SRGAP2: variants seen among roughly 807,000 people sequenced by gnomAD.
SRGAP2 encodes the protein SLIT-ROBO Rho GTPase activating protein 2, also known as SLIT-ROBO Rho GTPase-activating protein 2.
A neutral mutation model predicts 57.2 loss-of-function variants in SRGAP2; 15 were observed. The observed-to-expected ratio is 0.26, with a 90% CI of 0.18 to 0.40. SRGAP2 has a LOEUF of 0.40. SRGAP2 is among the 10% of genes least tolerant of loss of function. The pLI is 1.00. For synonymous variants in SRGAP2, 249 were observed against 248.0 expected (o/e 1.00, Z -0.04); for missense variants, 520 against 669.6 (o/e 0.78, Z 2.47).
intron 17 of SRGAP2, among the ~76,000 whole-genome samples, chr1:206,443,499 C>T (rs1354636251): frequency 2.0e-5 from 3 of 152,104 alleles, no homozygotes; most frequent in Non-Finnish European, 4.4e-5. Flanking sequence ...CTCAGTCTCC[C>T]GAGTAGCTGG....
At chr1:206,277,030 C>A (rs1207998157) in intron 2 of SRGAP2, among the ~76,000 whole-genome samples, 14 of 151,218 alleles carry the variant, frequency 9.3e-5, no homozygotes, top group Non-Finnish European at 1.6e-4. Context: ...AATGGCGTGA[C>A]CTTGGCTCAC....
chr1:206,390,895 C>G (rs1466162729), intron 5 of SRGAP2, among the ~76,000 whole-genome samples: 1 of 151,916 alleles, frequency 6.6e-6, no homozygotes, highest in Non-Finnish European at 1.5e-5. Context: ...CAAAATGAGA[C>G]ATAATTTAGA....
At chr1:206,309,714 G>A (rs143154677) in intron 3 of SRGAP2, among the ~76,000 whole-genome samples, 238 of 151,914 alleles carry the variant, frequency 1.6e-3, no homozygotes, top group African/African-American at 5.5e-3. Context: ...AGAGCAGTAC[G>A]AGGCCATCAG....
chr1:206,268,080 TA>T (rs1184794228), intron 2 of SRGAP2, among the ~76,000 whole-genome samples: 92 of 143,208 alleles, frequency 6.4e-4, no homozygotes, highest in Non-Finnish European at 1.2e-3. Context: ...TATATATATA[TA>T]TTTTTTTTTT....
chr1:206,230,009 T>C (rs1553306536), intron 2 of SRGAP2, among the ~76,000 whole-genome samples: 1 of 151,748 alleles, frequency 6.6e-6, no homozygotes, highest in African/African-American at 2.4e-5. Flanking sequence ...TTTTAAGTAT[T>C]TGTAATTTCT....
At chr1:206,456,890 C>T (rs1176666863) in intron 21 of SRGAP2, among the ~76,000 whole-genome samples, 1 of 152,226 alleles carries the variant, frequency 6.6e-6, no homozygotes, top group Admixed American at 6.5e-5. Context: ...GCTGTCTCCT[C>T]ACCTGGTCAC....
At chr1:206,460,951 C>T in intron 22 of SRGAP2, 86 bp from the exon 23 acceptor site, 1 of 625,458 alleles carries the variant, frequency 1.6e-6, no homozygotes, top group Non-Finnish European at 2.9e-6. Flanking sequence ...TCATTTTCTT[C>T]ATGCCTTGGC....
chr1:206,448,420 CA>C (rs2103370491), intron 18 of SRGAP2, among the ~76,000 whole-genome samples: 1 of 152,256 alleles, frequency 6.6e-6, no homozygotes, highest in South Asian at 2.1e-4. Flanking sequence ...TGCACAAGAG[CA>C]AAGGCTGGGG....
intron 12 of SRGAP2, among the ~76,000 whole-genome samples, 186 bp downstream of exon 12, chr1:206,419,586 G>T (rs1341355776): frequency 6.6e-6 from 1 of 152,148 alleles, no homozygotes; most frequent in African/African-American, 2.4e-5. Context: ...AGATAGAAAT[G>T]GGGTTTTCTG....
intron 18 of SRGAP2, among the ~76,000 whole-genome samples, chr1:206,448,841 G>A (rs961615059): frequency 1.3e-5 from 2 of 151,894 alleles, no homozygotes; most frequent in South Asian, 4.2e-4. Flanking sequence ...GTGAGAAATT[G>A]TGCCTACATT....
intron 4 of SRGAP2, among the ~76,000 whole-genome samples, chr1:206,369,643 A>G (rs568672596): frequency 6.6e-6 from 1 of 152,292 alleles, no homozygotes; most frequent in East Asian, 1.9e-4. Flanking sequence ...CAACAAGCAC[A>G]TTTTTGACAC....
At chr1:206,429,670 G>T (rs557039417) in intron 13 of SRGAP2, among the ~76,000 whole-genome samples, 1 of 152,254 alleles carries the variant, frequency 6.6e-6, no homozygotes, top group African/African-American at 2.4e-5. Flanking sequence ...GCAAGGCCGT[G>T]TAAGAGAGTA....
intron 15 of SRGAP2, 111 bp downstream of exon 15, chr1:206,437,153 GTCTCT>G (rs535290036): frequency 1.4e-6 from 1 of 736,524 alleles, no homozygotes; most frequent in Non-Finnish European, 2.5e-6. Flanking sequence ...CAACTTCCCT[GTCTCT>G]TCAGGGGGTA....
chr1:206,255,067 G>A (rs1669102027), intron 2 of SRGAP2, among the ~76,000 whole-genome samples: 1 of 150,436 alleles, frequency 6.6e-6, no homozygotes, highest in African/African-American at 2.5e-5. Context: ...GTTCCACCTG[G>A]GCTCAGGTTA....
rs1210460228 is a variant in SRGAP2 at position 206,272,896 on chromosome 1, G to A, written c.68-30385G>A. On this transcript the variant is annotated intron_variant, in intron 2 of 22. Transcript: ENST00000573034. ...TACCCCCAGACCATTGCGTTAAAGC[G>A]TTCAGGATAGTGCTCTGCTGATTTT... is the stretch of plus-strand genomic sequence containing the variant. Among the ~76,000 whole-genome samples the A allele has an allele frequency of 9.2e-3, 1,403 of 152,072 alleles. 14 individuals carry two copies. The highest frequency in any genetic ancestry group is 0.014 in the Non-Finnish European group (965 of 68,014).
In SRGAP2 at chr1:206,203,571, G is replaced by C. The variant is rs573474470; in HGVS notation, c.-622G>C. ...CTGGGGCACCGATCTGCGTAGAAACGGGTGGCGGGGAAGAGAGGGGAGGAG... is the reference window on the plus strand; with the variant it reads ...CTGGGGCACCGATCTGCGTAGAAACCGGTGGCGGGGAAGAGAGGGGAGGAG... On this transcript the variant is annotated 5_prime_UTR_variant, in exon 1 of 23. Transcript: ENST00000573034. The C allele has an allele frequency of 8.7e-6, 5 of 576,214 alleles. No individual in the cohort carries two copies. Among genetic ancestry groups the C allele is most frequent in the Non-Finnish European group, 1.2e-5 (4 of 322,566 alleles). 35.7% of individuals were successfully genotyped at this position (576,214 alleles called of 1,614,324 possible).
chr1:206,318,395 T>C (rs1204667194), intron 3 of SRGAP2, among the ~76,000 whole-genome samples: 1 of 152,192 alleles, frequency 6.6e-6, no homozygotes, highest in Non-Finnish European at 1.5e-5. Context: ...CTCCTTCTCC[T>C]CTCTCACTCC....
chr1:206,310,494 A>G (rs1672561335), intron 3 of SRGAP2, among the ~76,000 whole-genome samples: 1 of 152,218 alleles, frequency 6.6e-6, no homozygotes, highest in South Asian at 2.1e-4. Context: ...TTTTTCCACA[A>G]TTAAACTCGT....
At chr1:206,249,553 C>G (rs1398389849) in intron 2 of SRGAP2, among the ~76,000 whole-genome samples, 1 of 149,052 alleles carries the variant, frequency 6.7e-6, no homozygotes, top group East Asian at 2.1e-4. Context: ...TGAGAACATA[C>G]GGGCACAGTG....
Sources: allele counts gnomAD v4.1 joint callset (sites outside exome capture counted in the v4.1 genomes callset), GRCh38; gene constraint gnomAD v4.1.1; transcripts MANE v1.5; gene names NCBI Gene and HGNC (gene_info 2026-07-23, HGNC 2026-07-21).